MXRA5: variants seen among roughly 807,000 people sequenced by gnomAD.
MXRA5 encodes matrix remodeling associated 5, also known as matrix-remodeling-associated protein 5.
In MXRA5, 41 loss-of-function variants were observed where a neutral mutation model predicts 112.5. That is an observed-to-expected ratio of 0.36 (90% CI 0.28 to 0.47). MXRA5 has a LOEUF of 0.47. Ranked by LOEUF, MXRA5 falls within the 20% of genes least tolerant of loss-of-function variation. MXRA5 has a pLI of 0.99. For missense variants in MXRA5, 2,150 were observed against 2,251.0 expected, an observed-to-expected ratio of 0.96 and a Z score of 0.91; for synonymous variants, 862 against 900.8, an observed-to-expected ratio of 0.96 and a Z score of 0.77.
In MXRA5 at chrX:3,341,608, TATATATA is replaced by T. The variant is rs1358301017; in HGVS notation, c.188+2031_188+2037del. Among the ~76,000 whole-genome samples the T allele has an allele frequency of 1.3e-3, 30 of 22,501 alleles. 1 individual carries two copies. The highest frequency in any genetic ancestry group is 3.6e-3 in the African/African-American group (28 of 7,723). 19.5% of individuals were successfully genotyped at this position (22,501 alleles called of 115,157 possible). A position where few individuals can be genotyped will look rare whatever the true frequency, so the allele number is the denominator to read the frequency against. ...TAATATATATTATTATTATATATAA[TATATATA>T]ATATATAATATAGTATACATATATT... On this transcript the variant is annotated intron_variant, in intron 2 of 6. Transcript: ENST00000217939.
intron 2 of MXRA5, among the ~76,000 whole-genome samples, chrX:3,334,170 T>C (rs1030979006): frequency 3.6e-5 from 4 of 111,214 alleles, no homozygotes; most frequent in African/African-American, 1.3e-4. Context: ...TTAGTAGAGA[T>C]GGGGTTTCAC....
In MXRA5 at chrX:3,322,714, C is replaced by T; in HGVS notation, c.2971G>A (p.Asp991Asn). 3.3e-6 allele frequency: 4 copies of T among 1,211,388 alleles called. No homozygotes were observed. Among genetic ancestry groups the T allele is most frequent in the Non-Finnish European group, 4.5e-6 (4 of 895,492 alleles). ...GCAAAGGTGTCTTCTTTCATCTTAT[C>T]CTCATCTGGTTGTGACTTAGTCTCC... ...DLETKSQPDEDKMKEDTFAHL... is the reference protein window; with the variant it reads ...DLETKSQPDENKMKEDTFAHL... The change falls in exon 5 of 7, where the codon GAT (aspartate) becomes AAT (asparagine). Residue 991 changes from aspartate to asparagine, a missense_variant. Physicochemically the swap from Asp to Asn is conservative, Grantham distance 23. Around this residue, in one of 6 missense-constraint regions of MXRA5, gnomAD observed 1,485 missense variants for 1,471.6 expected, o/e 1.01. Coordinates refer to ENST00000217939, the MANE Select transcript of MXRA5 (RefSeq NM_015419.4).
chrX:3,324,087 G>C lies in MXRA5; in HGVS notation c.1598C>G (p.Ser533Cys). Residue 533 changes from serine (S) to cysteine (C), a missense_variant, in exon 5 of 7, where the codon TCC (serine) becomes TGC (cysteine). Around this residue, in one of 6 missense-constraint regions of MXRA5, gnomAD observed 386 missense variants for 411.0 expected, o/e 0.94. Coordinates refer to ENST00000217939, the MANE Select transcript of MXRA5 (RefSeq NM_015419.4). ...APMDDPDSKF[S>C]ILSSGWLRIK... ...CCTCAGCCAGCCACTGCTGAGAATG[G>C]AGAACTTGCTGTCTGGGTCATCCAT... 1.7e-6 allele frequency: 2 copies of C among 1,209,258 alleles called. No homozygotes were observed. Among genetic ancestry groups the C allele is most frequent in the Non-Finnish European group, 2.2e-6 (2 of 894,285 alleles).
In MXRA5 at chrX:3,320,886, T is replaced by C. The variant is rs761961326; in HGVS notation, c.4799A>G (p.His1600Arg). 5 of 1,211,906 alleles carry C rather than the reference T, an allele frequency of 4.1e-6. No homozygotes were observed. In the South Asian group the frequency reaches 7.0e-5, roughly 17 times the overall value. ...GACTCTGGTTAGTTGATGAGAAGCATGAACTCTTCCATCCTGGCGTTGGCT... is the reference window on the plus strand; with the variant it reads ...GACTCTGGTTAGTTGATGAGAAGCACGAACTCTTCCATCCTGGCGTTGGCT... The part of the protein sequence containing the change: ...PDSQRQDGRV[H>R]ASHQLTRVPA... Residue 1600 changes from histidine (H) to arginine (R), a missense_variant, in exon 5 of 7, where the codon CAT becomes CGT. His to Arg is a conservative substitution (Grantham distance 29). Coordinates refer to ENST00000217939, the MANE Select transcript of MXRA5 (RefSeq NM_015419.4).
intron 2 of MXRA5, among the ~76,000 whole-genome samples, chrX:3,331,489 G>T (rs1309950972): frequency 1.8e-5 from 2 of 111,629 alleles, no homozygotes; most frequent in East Asian, 2.8e-4. Context: ...CACGTGGCTA[G>T]CAGGGCCGGG....
Position 3,330,000 on chromosome X carries a change from G to T in MXRA5, c.709+18C>A. 2.5e-6 allele frequency: 3 copies of T among 1,200,923 alleles called. No individual in the cohort carries two copies. The East Asian group carries it at 8.9e-5, about 36-fold the overall frequency. On this transcript the variant is annotated intron_variant, in intron 4 of 6. Coordinates refer to ENST00000217939, the MANE Select transcript of MXRA5 (RefSeq NM_015419.4). ...AAGAATGTGCAGCTAGGAGTGGTCTGCTCTCCTCTCTTCTTACCTCTGGAT... is the reference window on the plus strand; with the variant it reads ...AAGAATGTGCAGCTAGGAGTGGTCTTCTCTCCTCTCTTCTTACCTCTGGAT...
rs772365106 is a variant in MXRA5 at position 3,323,926 on chromosome X, T to G, written c.1759A>C (p.Ile587Leu). 1.3e-5 allele frequency: 16 copies of G among 1,205,446 alleles called. No individual in the cohort carries two copies. The East Asian group carries it at 4.7e-4, about 36-fold the overall frequency. ...TQPAEKDTVT[I>L]GKNPGESVTL... Reference sequence around the variant, plus strand: ...ACCGACTCCCCTGGGTTCTTGCCAATTGTCACTGTGTCTTTCTCGGCTGGC... The same window carrying G: ...ACCGACTCCCCTGGGTTCTTGCCAAGTGTCACTGTGTCTTTCTCGGCTGGC... The change falls in exon 5 of 7, where the codon ATT becomes CTT. Residue 587 changes from isoleucine to leucine, a missense_variant. Ile to Leu is a conservative substitution (Grantham distance 5, BLOSUM62 2). Transcript: ENST00000217939.
chrX:3,312,263 C>G (rs934786938), intron 6 of MXRA5, among the ~76,000 whole-genome samples: 1 of 111,773 alleles, frequency 8.9e-6, no homozygotes, highest in Non-Finnish European at 1.9e-5. Context: ...ATAACACTCA[C>G]TAGCTAAAAC....
chrX:3,336,702 T>C (rs1921791454), intron 2 of MXRA5, among the ~76,000 whole-genome samples: 1 of 112,360 alleles, frequency 8.9e-6, no homozygotes. Flanking sequence ...TCATTTGAAT[T>C]TTACTTTAAA....
In MXRA5 at chrX:3,311,100, C is replaced by T; in HGVS notation, c.7103G>A (p.Cys2368Tyr). The change falls in exon 7 of 7, where the codon TGT (cysteine) becomes TAT (tyrosine). Residue 2368 changes from cysteine to tyrosine, a missense_variant. By Grantham distance (194) the Cys-to-Tyr change is radical. Around this residue, in one of 6 missense-constraint regions of MXRA5, gnomAD observed 1,485 missense variants for 1,471.6 expected, o/e 1.01. Transcript: ENST00000217939. ...VPYGDVVTVACEAKGEPMPKV... is the reference protein window; with the variant it reads ...VPYGDVVTVAYEAKGEPMPKV... Reference sequence around the variant, plus strand: ...GGGCATGGGTTCTCCTTTGGCCTCACAGGCTACAGTGACCACGTCTCCATA... The same window carrying T: ...GGGCATGGGTTCTCCTTTGGCCTCATAGGCTACAGTGACCACGTCTCCATA... 1 of 1,211,744 alleles carries T rather than the reference C, an allele frequency of 8.3e-7. No homozygotes were observed.
rs1323694461 is a variant in MXRA5, at chrX:3,317,909, G to T, written c.5772C>A (p.Gly1924=). The change falls in exon 6 of 7, where the codon GGC becomes GGA. Residue 1924 remains glycine (G), a synonymous_variant. Transcript: ENST00000217939. ...GGTTGCTGGCGGTGCACATATACTG[G>T]CCTCGATCTTGTACTTGAACCTTCC... ...VIRKVQVQDR[G]QYMCTASNLH... is the part of the protein sequence containing the mutation. The T allele has an allele frequency of 8.3e-7, 1 of 1,211,191 alleles. No individual in the cohort carries two copies. The highest frequency in any genetic ancestry group is 1.1e-6 in the Non-Finnish European group (1 of 895,262).
At position 3,317,689 on chromosome X, in the gene MXRA5, C is replaced by T; in HGVS notation, c.5992G>A (p.Val1998Met). ...DRRVWQTVSP[V>M]EGRITLHENR... ...TCGTGCAGGGTGATGCGGCCCTCCACGGGGGACACAGTTTGCCACACCCTC... is the reference window on the plus strand; with the variant it reads ...TCGTGCAGGGTGATGCGGCCCTCCATGGGGGACACAGTTTGCCACACCCTC... The change falls in exon 6 of 7, where the codon GTG (valine) becomes ATG (methionine). Residue 1998 changes from valine (V) to methionine (M), a missense_variant. Around this residue, in one of 6 missense-constraint regions of MXRA5, gnomAD observed 1,485 missense variants for 1,471.6 expected, o/e 1.01. Coordinates refer to ENST00000217939, the MANE Select transcript of MXRA5 (RefSeq NM_015419.4). 1 of 1,202,189 alleles carries T rather than the reference C, an allele frequency of 8.3e-7. No individual in the cohort carries two copies. Among genetic ancestry groups the T allele is most frequent in the Non-Finnish European group, 1.1e-6 (1 of 889,562 alleles).
chrX:3,322,864 T>C lies in MXRA5; in HGVS notation c.2821A>G (p.Thr941Ala), dbSNP rs368766878. ...YEKPTHEETA[T>A]EGWSAADVGS... ...ACATCTGCTGCAGACCAACCCTCTG[T>C]TGCCGTCTCTTCATGGGTGGGCTTT... Residue 941 changes from threonine to alanine, a missense_variant, in exon 5 of 7, where the codon ACA becomes GCA. By Grantham distance (58) the Thr-to-Ala change is moderately conservative. Coordinates refer to ENST00000217939, the MANE Select transcript of MXRA5 (RefSeq NM_015419.4). 127 of 1,209,695 alleles carry C rather than the reference T, an allele frequency of 1.0e-4. No homozygotes were observed. The Middle Eastern group carries it at 2.5e-3, about 24-fold the overall frequency.
chrX:3,325,842 T>TAAATATATAATAATATATTTATA (rs1921454768), intron 4 of MXRA5, among the ~76,000 whole-genome samples: 3 of 31,140 alleles, frequency 9.6e-5, no homozygotes, highest in African/African-American at 2.8e-4. Context: ...ATATATTTAT[T>TAAATATATAATAATATATTTATA]CATAAATAAT....
chrX:3,341,781 G>A (rs1921992748), intron 2 of MXRA5, among the ~76,000 whole-genome samples: 1 of 98,229 alleles, frequency 1.0e-5, no homozygotes, highest in Non-Finnish European at 2.0e-5. Context: ...CCCCAGCATG[G>A]GACCTGCCAA....
intron 2 of MXRA5, among the ~76,000 whole-genome samples, chrX:3,338,463 C>T (rs1260497696): frequency 5.5e-5 from 6 of 109,837 alleles, no homozygotes. Flanking sequence ...TAATATATAG[C>T]TAGACAGATG....
Position 3,324,908 on chromosome X carries a change from T to C in MXRA5, c.777A>G (p.Pro259=). The part of the protein sequence containing the change: ...GGQLCAMCFS[P]KKLYKHEIHK... ...GTATCTCATGTTTGTACAACTTCTTTGGACTGAAGCACATTGCACACAACT... is the reference window on the plus strand; with the variant it reads ...GTATCTCATGTTTGTACAACTTCTTCGGACTGAAGCACATTGCACACAACT... The change falls in exon 5 of 7, where the codon CCA becomes CCG. Residue 259 remains proline, a synonymous_variant. Coordinates refer to ENST00000217939, the MANE Select transcript of MXRA5 (RefSeq NM_015419.4). 8.3e-7 allele frequency: 1 copy of C among 1,209,765 alleles called. No individual in the cohort carries two copies.
chrX:3,343,908 AC>A lies in MXRA5; in HGVS notation c.-28-48del, dbSNP rs924107978. 2.9e-6 allele frequency: 3 copies of A among 1,045,328 alleles called. No individual in the cohort carries two copies. In the African/African-American group the frequency reaches 5.6e-5, roughly 20 times the overall value. The allele number at this position is 1,045,328 out of a possible 1,213,427, so 86.1% of individuals were successfully genotyped here. On this transcript the variant is annotated intron_variant, in intron 1 of 6. Coordinates refer to ENST00000217939, the MANE Select transcript of MXRA5 (RefSeq NM_015419.4). ...ATGAGCTTATTCACAGGTAGCACCG[AC>A]GAACTGTGGGCAATTTTTAAATTTG... is the stretch of plus-strand genomic sequence containing the variant.
chrX:3,316,519 C>T (rs200171849), intron 6 of MXRA5, among the ~76,000 whole-genome samples: 3 of 22,837 alleles, frequency 1.3e-4, no homozygotes, highest in South Asian at 2.9e-3. Flanking sequence ...ATAATAATAA[C>T]AAGCCGTGCC....
Sources: allele counts gnomAD v4.1 joint callset (sites outside exome capture counted in the v4.1 genomes callset), GRCh38; gene constraint gnomAD v4.1.1; regional missense constraint gnomAD v4.1.1; transcripts MANE v1.5; gene names NCBI Gene and HGNC (gene_info 2026-07-23, HGNC 2026-07-21).